The following PIP4K2A variants were observed in gnomAD, a reference collection of about 807,000 sequenced individuals.
PIP4K2A encodes phosphatidylinositol-5-phosphate 4-kinase type 2 alpha.
PIP4K2A carries 14 observed loss-of-function variants against 42.9 expected under a neutral mutation model. The observed-to-expected ratio is 0.33, with a 90% CI of 0.22 to 0.51. PIP4K2A has a LOEUF of 0.51. Among genes scored for constraint, PIP4K2A ranks in the 20% least tolerant of loss-of-function variants. The pLI is 0.97. For synonymous variants in PIP4K2A, 192 were observed against 192.2 expected (o/e 1.00, Z 0.01); for missense variants, 434 against 519.8 (o/e 0.83, Z 1.61).
intron 1 of PIP4K2A, among the ~76,000 whole-genome samples, chr10:22,664,154 C>CATATATATATATATATACATATAT (rs66781717): frequency 1.6e-5 from 1 of 62,312 alleles, no homozygotes; most frequent in South Asian, 3.8e-4. Flanking sequence ...TATATATACA[C>CATATATATATATATATACATATAT]ATATATATAT....
chr10:22,700,153 C>T (rs1297608599), intron 1 of PIP4K2A, among the ~76,000 whole-genome samples: 14 of 152,180 alleles, frequency 9.2e-5, no homozygotes, highest in Non-Finnish European at 1.5e-5. Context: ...CTCAATTTGG[C>T]TTGCTGCCTT....
rs766479300 is a variant in PIP4K2A at position 22,676,943 on chromosome 10, C to T, written c.144+37240G>A. Reference sequence around the variant, plus strand: ...AGAGGCTTACAATATTTATTACCTGCTAGTAGGTTAGTCTGGTACAATCTG... The same window carrying T: ...AGAGGCTTACAATATTTATTACCTGTTAGTAGGTTAGTCTGGTACAATCTG... On this transcript the variant is annotated intron_variant, in intron 1 of 9. Transcript: ENST00000376573. Among the ~76,000 whole-genome samples the T allele has an allele frequency of 3.9e-5, 6 of 152,156 alleles. No individual in the cohort carries two copies. The South Asian group carries it at 1.0e-3, about 26-fold the overall frequency.
chr10:22,538,143 G>C (rs1835983537), intron 9 of PIP4K2A, among the ~76,000 whole-genome samples: 1 of 152,224 alleles, frequency 6.6e-6, no homozygotes, highest in African/African-American at 2.4e-5. Flanking sequence ...GTTCACCGGG[G>C]AACTTGTAAT....
Position 22,622,054 on chromosome 10 carries a change from G to T in PIP4K2A, c.145-12337C>A, listed in dbSNP as rs1481916340. 3.9e-5 allele frequency among the ~76,000 whole-genome samples: 6 copies of T among 152,252 alleles called. No homozygotes were observed. In the South Asian group the frequency reaches 8.3e-4, roughly 21 times the overall value. On this transcript the variant is annotated intron_variant, in intron 1 of 9. Coordinates refer to ENST00000376573, the MANE Select transcript of PIP4K2A (RefSeq NM_005028.5). ...CTTTTCCTTCCAGAAGCTCTGCTAA[G>T]ATGACAGTAAAGGAAGTTAGAGATT...
At chr10:22,551,261 A>T (rs1054483300) in intron 6 of PIP4K2A, among the ~76,000 whole-genome samples, 1 of 152,108 alleles carries the variant, frequency 6.6e-6, no homozygotes, top group African/African-American at 2.4e-5. Context: ...ATCCATAATC[A>T]TATCTACTTT....
At chr10:22,595,988 C>T (rs1048631467) in intron 3 of PIP4K2A, among the ~76,000 whole-genome samples, 1 of 151,784 alleles carries the variant, frequency 6.6e-6, no homozygotes, top group Non-Finnish European at 1.5e-5. Flanking sequence ...GGCAGATCAC[C>T]TGAGGCTGGG....
At chr10:22,622,549 C>G (rs961936277) in intron 1 of PIP4K2A, among the ~76,000 whole-genome samples, 5 of 152,226 alleles carry the variant, frequency 3.3e-5, no homozygotes, top group Non-Finnish European at 5.9e-5. Context: ...CGAGGGGACA[C>G]TGGAGGATTC....
chr10:22,672,997 C>G (rs1169104202), intron 1 of PIP4K2A, among the ~76,000 whole-genome samples: 1 of 152,190 alleles, frequency 6.6e-6, no homozygotes, highest in Admixed American at 6.5e-5. Context: ...TCTCTCATTC[C>G]TGCAGCCTCA....
At chr10:22,699,901 AAAAT>A (rs1224462688) in intron 1 of PIP4K2A, among the ~76,000 whole-genome samples, 1 of 152,242 alleles carries the variant, frequency 6.6e-6, no homozygotes, top group Non-Finnish European at 1.5e-5. Flanking sequence ...TAAAAATAGA[AAAAT>A]AAACAGTATT....
intron 1 of PIP4K2A, among the ~76,000 whole-genome samples, chr10:22,674,798 T>G (rs1839523058): frequency 6.6e-6 from 1 of 151,212 alleles, no homozygotes; most frequent in Admixed American, 6.6e-5. Context: ...AATAAATAAA[T>G]AAATAAATAA....
intron 1 of PIP4K2A, among the ~76,000 whole-genome samples, chr10:22,665,002 AT>A (rs1469499134): frequency 1.7e-5 from 2 of 115,652 alleles, no homozygotes; most frequent in African/African-American, 7.5e-5. Flanking sequence ...GGAAAAAAAC[AT>A]AACATTATTG....
At chr10:22,644,557 C>T (rs1838843328) in intron 1 of PIP4K2A, among the ~76,000 whole-genome samples, 1 of 152,202 alleles carries the variant, frequency 6.6e-6, no homozygotes, top group African/African-American at 2.4e-5. Context: ...CAGTCTCTCA[C>T]CTCAAGTCTC....
intron 1 of PIP4K2A, among the ~76,000 whole-genome samples, chr10:22,675,992 C>T (rs753277958): frequency 6.6e-6 from 1 of 152,228 alleles, no homozygotes; most frequent in South Asian, 2.1e-4. Flanking sequence ...AACAGACACA[C>T]TGTTGCCATT....
chr10:22,542,378 G>C (rs1265315692), intron 7 of PIP4K2A, among the ~76,000 whole-genome samples: 1 of 148,078 alleles, frequency 6.8e-6, no homozygotes, highest in African/African-American at 2.5e-5. Flanking sequence ...CTGGGAGAGA[G>C]AGCAAGTTCC....
chr10:22,646,021 C>T (rs150728211), intron 1 of PIP4K2A, among the ~76,000 whole-genome samples: 109 of 152,236 alleles, frequency 7.2e-4, no homozygotes, highest in African/African-American at 2.6e-3. Flanking sequence ...TGTGCCCAGC[C>T]TAATAATATA....
chr10:22,695,749 T>C (rs1839956999), intron 1 of PIP4K2A, among the ~76,000 whole-genome samples: 1 of 152,190 alleles, frequency 6.6e-6, no homozygotes, highest in Admixed American at 6.5e-5. Flanking sequence ...ATATACTCTA[T>C]ATCATCTCTA....
chr10:22,714,074 G>A (rs1325658344), intron 1 of PIP4K2A, 109 bp downstream of exon 1: 4 of 1,194,364 alleles, frequency 3.3e-6, no homozygotes, highest in African/African-American at 1.5e-5. Flanking sequence ...CGGAGGTCCA[G>A]GGCTGACTCC....
At chr10:22,585,609 AT>A (rs67526326) in intron 4 of PIP4K2A, among the ~76,000 whole-genome samples, 37,326 of 143,004 alleles carry the variant, frequency 0.26, 4,655 homozygotes, top group African/African-American at 0.29. Context: ...GTGCCTCTCA[AT>A]TTTTTTTTTT....
At chr10:22,614,175 C>A (rs771691305) in intron 1 of PIP4K2A, among the ~76,000 whole-genome samples, 6 of 152,184 alleles carry the variant, frequency 3.9e-5, no homozygotes, top group Admixed American at 1.3e-4. Flanking sequence ...TATTCCCCAT[C>A]TTCCAAAACC....
Sources: allele counts gnomAD v4.1 joint callset (sites outside exome capture counted in the v4.1 genomes callset), GRCh38; gene constraint gnomAD v4.1.1; transcripts MANE v1.5; gene names NCBI Gene and HGNC (gene_info 2026-07-23, HGNC 2026-07-21).